The following GRIN3B variants were observed in gnomAD, a reference collection of about 807,000 sequenced individuals.
GRIN3B encodes glutamate receptor ionotropic, NMDA 3B.
In GRIN3B, 77 loss-of-function variants were observed where a neutral mutation model predicts 66.0. The observed-to-expected ratio is 1.17, with a 90% CI of 0.97 to 1.41. GRIN3B has a LOEUF of 1.41. GRIN3B is among the 40% of genes most tolerant of loss of function. The pLI is 0.00. For synonymous variants in GRIN3B, 823 were observed against 749.7 expected (o/e 1.10, Z -1.60); for missense variants, 1,787 against 1,564.5 (o/e 1.14, Z -2.40).
At position 1,003,332 on chromosome 19, in the gene GRIN3B, C is replaced by T. The variant is rs753149069; in HGVS notation, c.629C>T (p.Thr210Met). ...QLVLDLSRRDTGDAGLRARLA... is the reference protein window; with the variant it reads ...QLVLDLSRRDMGDAGLRARLA... ...GTCCTGGACCTAAGCCGGCGGGACA[C>T]GGGAGATGCAGGACTGCGGGCACGC... The change falls in exon 2 of 9, where the codon ACG becomes ATG. Residue 210 changes from threonine (T) to methionine (M), a missense_variant. Transcript: ENST00000234389. 1.2e-4 allele frequency: 192 copies of T among 1,576,780 alleles called. No individual in the cohort carries two copies. The East Asian group carries it at 1.7e-3, about 14-fold the overall frequency.
chr19:1,000,685 A>G lies in GRIN3B; in HGVS notation c.248A>G (p.Asp83Gly). ...ELVVAAPPAR[D>G]PASLTRGLCQ... is the part of the protein sequence containing the mutation. Reference sequence around the variant, plus strand: ...GTGGTCGCCGCGCCCCCCGCCCGCGACCCCGCCTCGCTGACCCGCGGCCTG... The same window carrying G: ...GTGGTCGCCGCGCCCCCCGCCCGCGGCCCCGCCTCGCTGACCCGCGGCCTG... Residue 83 changes from aspartate to glycine, a missense_variant, in exon 1 of 9, where the codon GAC becomes GGC. Transcript: ENST00000234389. 7.4e-7 allele frequency: 1 copy of G among 1,357,026 alleles called. No individual in the cohort carries two copies. The highest frequency in any genetic ancestry group is 1.7e-5 in the South Asian group (1 of 59,022). 84.1% of individuals were successfully genotyped at this position (1,357,026 alleles called of 1,614,324 possible).
chr19:1,008,298 C>A lies in GRIN3B; in HGVS notation c.2466+7C>A. ...GGTCTTTGCGGTTACAGAGGTGGGG[C>A]AGGGCCTGGGACAGAGGGTGGGGGT... On this transcript the variant is annotated splice_region_variant and intron_variant, in intron 6 of 8. Transcript: ENST00000234389. 1 of 1,049,616 alleles carries A rather than the reference C, an allele frequency of 9.5e-7. No individual in the cohort carries two copies. Among genetic ancestry groups the A allele is most frequent in the South Asian group, 2.0e-5 (1 of 49,876 alleles). The allele number at this position is 1,049,616 out of a possible 1,614,324, so 65.0% of individuals were successfully genotyped here. A position where few individuals can be genotyped will look rare whatever the true frequency, so the allele number is the denominator to read the frequency against.
At position 1,009,653 on chromosome 19, in the gene GRIN3B, C is replaced by G. The variant is rs562490014; in HGVS notation, c.*51C>G. 10 of 1,313,002 alleles carry G rather than the reference C, an allele frequency of 7.6e-6. 1 individual carries two copies. The South Asian group carries it at 1.7e-4, about 23-fold the overall frequency. 81.3% of individuals were successfully genotyped at this position (1,313,002 alleles called of 1,614,324 possible). On this transcript the variant is annotated 3_prime_UTR_variant, in exon 9 of 9. Coordinates refer to ENST00000234389, the MANE Select transcript of GRIN3B (RefSeq NM_138690.3). ...AAGACACACACACAGCGCAGTGAGC[C>G]GCTGTCAACAGACAGTTTATTCTAT...
Position 1,008,672 on chromosome 19 carries a change from G to A in GRIN3B, c.2521G>A (p.Gly841Ser). The A allele has an allele frequency of 6.2e-7, 1 of 1,605,332 alleles. No homozygotes were observed. Among genetic ancestry groups the A allele is most frequent in the Non-Finnish European group, 8.5e-7 (1 of 1,179,804 alleles). Residue 841 changes from glycine (G) to serine (S), a missense_variant, in exon 7 of 9, where the codon GGC becomes AGC. Transcript: ENST00000234389. The stretch of plus-strand genomic sequence containing the variant: ...GGGCCTCTTCGTGTTGCTGTGCCTG[G>A]GCCTGGGCAGCGCTCTGCTCAGCTC... The part of the protein sequence containing the change: ...FAGLFVLLCL[G>S]LGSALLSSLG...
At position 1,004,850 on chromosome 19, in the gene GRIN3B, CCAA is replaced by C. The variant is rs780253391; in HGVS notation, c.1351_1353del (p.Asn451del). 255 of 1,611,868 alleles carry C rather than the reference CCAA, an allele frequency of 1.6e-4. No individual in the cohort carries two copies. The East Asian group carries it at 1.8e-3, about 11-fold the overall frequency. On this transcript the variant is annotated inframe_deletion, in exon 3 of 9. Coordinates refer to ENST00000234389, the MANE Select transcript of GRIN3B (RefSeq NM_138690.3). ...GGGCAGCTGTGCCTGGACCCTGGCA[CCAA>C]CGACTCGGCCACCCTGGACGCACTG...
chr19:1,000,836 G>A lies in GRIN3B; in HGVS notation c.399G>A (p.Arg133=). 7.0e-7 allele frequency: 1 copy of A among 1,437,290 alleles called. No homozygotes were observed. The highest frequency in any genetic ancestry group is 1.4e-5 in the South Asian group (1 of 73,290). The allele number at this position is 1,437,290 out of a possible 1,614,324, so 89.0% of individuals were successfully genotyped here. A position where few individuals can be genotyped will look rare whatever the true frequency, so the allele number is the denominator to read the frequency against. The change falls in exon 1 of 9, where the codon CGG becomes CGA. Residue 133 remains arginine (R), a synonymous_variant. Transcript: ENST00000234389. ...CCCCCGTGCTCAGCCTGCTGCGGCG[G>A]GAGGCGCGCGCGCCCCTCGGAGCCC... is the stretch of plus-strand genomic sequence containing the variant. ...TETPVLSLLR[R]EARAPLGAPN...
chr19:1,000,940 G>T, intron 1 of GRIN3B, 77 bp downstream of exon 1: 1 of 1,303,942 alleles, frequency 7.7e-7, no homozygotes, highest in Non-Finnish European at 9.8e-7. Context: ...GACGTCCGGA[G>T]TCAGGATGGG....
intron 1 of GRIN3B, among the ~76,000 whole-genome samples, chr19:1,001,075 G>A (rs960693639): frequency 2.6e-5 from 4 of 152,200 alleles, no homozygotes; most frequent in African/African-American, 9.6e-5. Context: ...AGACCCAGGG[G>A]CAGGGACCTA....
Position 1,004,909 on chromosome 19 carries a change from C to T in GRIN3B, c.1408C>T (p.Arg470Cys), listed in dbSNP as rs533006807. The change falls in exon 3 of 9, where the codon CGT (arginine) becomes TGT (cysteine). Residue 470 changes from arginine (R) to cysteine (C), a missense_variant. Arg to Cys is a radical substitution (Grantham distance 180). Transcript: ENST00000234389. ...CGCGCTGGCCAACGGCTCAGCGCCCCGTGCCCTGCGCAAGTGCTGCTACGG... is the reference window on the plus strand; with the variant it reads ...CGCGCTGGCCAACGGCTCAGCGCCCTGTGCCCTGCGCAAGTGCTGCTACGG... ...FAALANGSAP[R>C]ALRKCCYGYC... 5.6e-6 allele frequency: 9 copies of T among 1,611,424 alleles called. No homozygotes were observed. The highest frequency in any genetic ancestry group is 1.1e-5 in the South Asian group (1 of 90,996).
chr19:1,004,676 G>A lies in GRIN3B; in HGVS notation c.1175G>A (p.Gly392Asp), dbSNP rs764757965. 1.3e-6 allele frequency: 2 copies of A among 1,597,638 alleles called. No homozygotes were observed. The highest frequency in any genetic ancestry group is 1.7e-6 in the Non-Finnish European group (2 of 1,172,766). The change falls in exon 3 of 9, where the codon GGC becomes GAC. Residue 392 changes from glycine to aspartate, a missense_variant. Transcript: ENST00000234389. The part of the protein sequence containing the change: ...AWATVGSWRD[G>D]QLDLEPGGAS... ...GCCACGGTGGGCAGCTGGCGGGACG[G>A]CCAGCTGGACTTGGAACCGGGAGGT...
Position 1,009,281 on chromosome 19 carries a change from G to T in GRIN3B, c.2811G>T (p.Leu937=). The T allele has an allele frequency of 1.4e-6, 2 of 1,413,554 alleles. No individual in the cohort carries two copies. Among genetic ancestry groups the T allele is most frequent in the Non-Finnish European group, 1.8e-6 (2 of 1,094,696 alleles). 87.6% of individuals were successfully genotyped at this position (1,413,554 alleles called of 1,614,324 possible). A position where few individuals can be genotyped will look rare whatever the true frequency, so the allele number is the denominator to read the frequency against. Residue 937 remains leucine, a synonymous_variant, in exon 9 of 9, where the codon CTG becomes CTT. Transcript: ENST00000234389. ...AVDKERRVRF[L]LEPAVVVAPE... ...ACAAGGAGCGCCGCGTGCGCTTCCTGCTGGAGCCCGCCGTGGTTGTGGCAC... is the reference window on the plus strand; with the variant it reads ...ACAAGGAGCGCCGCGTGCGCTTCCTTCTGGAGCCCGCCGTGGTTGTGGCAC...
At chr19:1,008,437 G>T in intron 6 of GRIN3B, 146 bp downstream of exon 6, 1 of 1,033,360 alleles carries the variant, frequency 9.7e-7, no homozygotes, top group Non-Finnish European at 1.4e-6. Flanking sequence ...ACAAAACCCC[G>T]GCTGCAGTGC....
chr19:1,007,590 A>G lies in GRIN3B; in HGVS notation c.2053-38A>G. The stretch of plus-strand genomic sequence containing the variant: ...CGCCCCTCAATGGTCAGGGGTCCTG[A>G]GGGGCAGGCAGAGGCGCTGACGGGG... On this transcript the variant is annotated intron_variant, in intron 3 of 8. Coordinates refer to ENST00000234389, the MANE Select transcript of GRIN3B (RefSeq NM_138690.3). The surrounding 1 kb of genome is among the most constrained non-coding windows in gnomAD (Gnocchi z 4.4). 6.9e-7 allele frequency: 1 copy of G among 1,447,448 alleles called. No individual in the cohort carries two copies. 89.7% of individuals were successfully genotyped at this position (1,447,448 alleles called of 1,614,324 possible).
chr19:1,004,789 G>C lies in GRIN3B; in HGVS notation c.1288G>C (p.Ala430Pro), dbSNP rs1472137565. ...GCTGTTGGAACACCCATTTGTGTTT[G>C]CCCGTGATCCAGACGAAGACGGGCA... ...VTLLEHPFVF[A>P]RDPDEDGQCP... is the part of the protein sequence containing the mutation. Residue 430 changes from alanine (A) to proline (P), a missense_variant, in exon 3 of 9, where the codon GCC becomes CCC. Coordinates refer to ENST00000234389, the MANE Select transcript of GRIN3B (RefSeq NM_138690.3). 9.3e-6 allele frequency: 15 copies of C among 1,612,822 alleles called. No homozygotes were observed. The highest frequency in any genetic ancestry group is 1.3e-5 in the Non-Finnish European group (15 of 1,179,560).
intron 6 of GRIN3B, 55 bp from the exon 7 acceptor site, chr19:1,008,563 C>A: frequency 6.4e-7 from 1 of 1,563,104 alleles, no homozygotes; most frequent in Non-Finnish European, 8.6e-7. Flanking sequence ...GTTCAAGGCT[C>A]CCCAGGGGCC....
Position 1,005,155 on chromosome 19 carries a change from A to T in GRIN3B, c.1654A>T (p.Ser552Cys), listed in dbSNP as rs147505119. Residue 552 changes from serine (S) to cysteine (C), a missense_variant, in exon 3 of 9, where the codon AGC (serine) becomes TGC (cysteine). Physicochemically the swap from Ser to Cys is moderately radical, Grantham distance 112. Transcript: ENST00000234389. The surrounding 1 kb of genome is among the most constrained non-coding windows in gnomAD (Gnocchi z 5.2). ...CTTCACCAGCCCCTTCTTCTCCACC[A>T]GCCTGGGCATCATGGTGCGGGCACG... ...VDFTSPFFSTSLGIMVRARDT... is the reference protein window; with the variant it reads ...VDFTSPFFSTCLGIMVRARDT... 2.5e-6 allele frequency: 4 copies of T among 1,613,292 alleles called. No individual in the cohort carries two copies. In the African/African-American group the frequency reaches 5.3e-5, roughly 22 times the overall value.
chr19:1,007,724 A>G lies in GRIN3B; in HGVS notation c.2149A>G (p.Met717Val), dbSNP rs374467601. 7.8e-6 allele frequency: 12 copies of G among 1,530,666 alleles called. No homozygotes were observed. Among genetic ancestry groups the G allele is most frequent in the Non-Finnish European group, 1.1e-5 (12 of 1,140,040 alleles). 94.8% of individuals were successfully genotyped at this position (1,530,666 alleles called of 1,614,324 possible). The change falls in exon 4 of 9, where the codon ATG becomes GTG. Residue 717 changes from methionine (M) to valine (V), a missense_variant. Coordinates refer to ENST00000234389, the MANE Select transcript of GRIN3B (RefSeq NM_138690.3). This position sits in a 1 kb window ranked among gnomAD's most constrained non-coding sequence, Gnocchi z 4.4. Reference protein sequence around the residue: ...KKSFPDMHAHMRRHSAPTTPR... With the variant: ...KKSFPDMHAHVRRHSAPTTPR... ...GAGCTTCCCCGACATGCACGCACAC[A>G]TGCGGCGCCACAGCGCGCCCACCAC...
Position 1,000,870 on chromosome 19 carries a change from G to A in GRIN3B, c.426+7G>A. The stretch of plus-strand genomic sequence containing the variant: ...CGCGCCCCTCGGAGCCCCGGTACGC[G>A]GGACGCCCGGAGTCAGGACGAGGGG... On this transcript the variant is annotated splice_region_variant and intron_variant, in intron 1 of 8. Transcript: ENST00000234389. The A allele has an allele frequency of 2.1e-6, 3 of 1,402,308 alleles. No individual in the cohort carries two copies. The highest frequency in any genetic ancestry group is 2.8e-6 in the Non-Finnish European group (3 of 1,082,576). 86.9% of individuals were successfully genotyped at this position (1,402,308 alleles called of 1,614,324 possible).
At position 1,000,812 on chromosome 19, in the gene GRIN3B, C is replaced by G. The variant is rs767603391; in HGVS notation, c.375C>G (p.Thr125=). 8.3e-6 allele frequency: 12 copies of G among 1,449,346 alleles called. No individual in the cohort carries two copies. In the South Asian group the frequency reaches 1.6e-4, roughly 19 times the overall value. 89.8% of individuals were successfully genotyped at this position (1,449,346 alleles called of 1,614,324 possible). ...QLHFLAAATE[T]PVLSLLRREA... is the part of the protein sequence containing the mutation. ...ACTTCCTGGCGGCGGCCACCGAGAC[C>G]CCCGTGCTCAGCCTGCTGCGGCGGG... is the stretch of plus-strand genomic sequence containing the variant. The change falls in exon 1 of 9, where the codon ACC becomes ACG. Residue 125 remains threonine, a synonymous_variant. Coordinates refer to ENST00000234389, the MANE Select transcript of GRIN3B (RefSeq NM_138690.3).
Sources: allele counts gnomAD v4.1 joint callset (sites outside exome capture counted in the v4.1 genomes callset), GRCh38; gene constraint gnomAD v4.1.1; non-coding constraint Gnocchi (gnomAD v3.1); transcripts MANE v1.5; gene names NCBI Gene and HGNC (gene_info 2026-07-23, HGNC 2026-07-21).